Variants in DUSP5 observed in about 807,000 individuals in gnomAD.
DUSP5 encodes the protein dual specificity protein phosphatase 5.
DUSP5 carries 22 observed loss-of-function variants against 33.6 expected under a neutral mutation model. The ratio of observed to expected loss-of-function variants is 0.66; its 90% confidence interval spans 0.47 to 0.94. The LOEUF is 0.94. Among genes scored for constraint, DUSP5 ranks in the 40% least tolerant of loss-of-function variants. DUSP5 has a pLI of 0.00. For missense variants in DUSP5, 551 were observed against 522.1 expected (o/e 1.06, Z -0.54); for synonymous variants, 270 against 231.1 (o/e 1.17, Z -1.53).
intron 1 of DUSP5, among the ~76,000 whole-genome samples, chr10:110,500,424 C>T (rs575807651): frequency 1.3e-5 from 2 of 152,362 alleles, no homozygotes; most frequent in African/African-American, 4.8e-5. Context: ...GAAATTGCTT[C>T]ATGCCTACCC....
intron 2 of DUSP5, among the ~76,000 whole-genome samples, chr10:110,503,797 G>A (rs553463983): frequency 6.6e-6 from 1 of 152,186 alleles, no homozygotes; most frequent in Non-Finnish European, 1.5e-5. Flanking sequence ...TTTCCACATG[G>A]CCTCTAATCT....
intron 2 of DUSP5, among the ~76,000 whole-genome samples, chr10:110,503,272 C>T (rs1889568): frequency 0.65 from 98,601 of 152,086 alleles, 32,236 homozygotes; most frequent in South Asian, 0.74. Context: ...TTGTAATTGT[C>T]CATGCTCTGC....
chr10:110,507,017 A>G lies in DUSP5; in HGVS notation c.611A>G (p.His204Arg), dbSNP rs755386818. The change falls in exon 3 of 4, where the codon CAC (histidine) becomes CGC (arginine). Residue 204 changes from histidine to arginine, a missense_variant. Physicochemically the swap from His to Arg is conservative, Grantham distance 29 (BLOSUM62 0). Coordinates refer to ENST00000369583, the MANE Select transcript of DUSP5 (RefSeq NM_004419.4). ...ASKCEFLANL[H>R]ITALLNVSRR... ...AAGTGCGAGTTCCTCGCCAACCTGCACATCACAGCCCTGCTGAATGTCTCC... is the reference window on the plus strand; with the variant it reads ...AAGTGCGAGTTCCTCGCCAACCTGCGCATCACAGCCCTGCTGAATGTCTCC... The G allele has an allele frequency of 1.2e-6, 2 of 1,614,260 alleles. No individual in the cohort carries two copies. Among genetic ancestry groups the G allele is most frequent in the Non-Finnish European group, 1.7e-6 (2 of 1,180,052 alleles).
Position 110,498,264 on chromosome 10 carries a change from A to G in DUSP5, c.143A>G (p.Asn48Ser). The G allele has an allele frequency of 6.7e-7, 1 of 1,490,134 alleles. No homozygotes were observed. The highest frequency in any genetic ancestry group is 8.9e-7 in the Non-Finnish European group (1 of 1,117,504). 92.3% of individuals were successfully genotyped at this position (1,490,134 alleles called of 1,614,324 possible). ...NVRGSLNVNL[N>S]SVVLRRARGG... is the part of the protein sequence containing the mutation. ...CGCGGCTCGCTCAACGTCAACCTCA[A>G]CTCGGTGGTGCTGCGGCGGGCCCGG... The change falls in exon 1 of 4, where the codon AAC (asparagine) becomes AGC (serine). Residue 48 changes from asparagine (N) to serine (S), a missense_variant. Asn to Ser is a conservative substitution (Grantham distance 46). This residue lies in a region of DUSP5 where 381 missense variants were observed against 310.4 expected (regional missense o/e 1.23). Coordinates refer to ENST00000369583, the MANE Select transcript of DUSP5 (RefSeq NM_004419.4).
chr10:110,507,919 G>A (rs978938255), intron 3 of DUSP5, among the ~76,000 whole-genome samples: 1 of 152,112 alleles, frequency 6.6e-6, no homozygotes, highest in Non-Finnish European at 1.5e-5. Flanking sequence ...TTCTGTTTCA[G>A]ATTTGCAAGT....
At position 110,498,391 on chromosome 10, in the gene DUSP5, C is replaced by G. The variant is rs1186843100; in HGVS notation, c.270C>G (p.Asp90Glu). 6.7e-7 allele frequency: 1 copy of G among 1,491,680 alleles called. No individual in the cohort carries two copies. Among genetic ancestry groups the G allele is most frequent in the Non-Finnish European group, 8.9e-7 (1 of 1,126,404 alleles). The allele number at this position is 1,491,680 out of a possible 1,614,324, so 92.4% of individuals were successfully genotyped here. The change falls in exon 1 of 4, where the codon GAC (aspartate) becomes GAG (glutamate). Residue 90 changes from aspartate (D) to glutamate (E), a missense_variant. Physicochemically the swap from Asp to Glu is conservative, Grantham distance 45 (BLOSUM62 2). Around this residue, in one of 3 missense-constraint regions of DUSP5, gnomAD observed 381 missense variants for 310.4 expected, o/e 1.23. Transcript: ENST00000369583. Reference protein sequence around the residue: ...GGGVAAVVVLDQGSRHWQKLR... With the variant: ...GGGVAAVVVLEQGSRHWQKLR... The stretch of plus-strand genomic sequence containing the variant: ...GCGTCGCGGCCGTGGTGGTGCTGGA[C>G]CAGGGCAGCCGCCACTGGCAGAAGC...
intron 3 of DUSP5, among the ~76,000 whole-genome samples, chr10:110,508,086 G>A (rs564271203): frequency 6.6e-6 from 1 of 152,328 alleles, no homozygotes; most frequent in East Asian, 1.9e-4. Context: ...TAATTACTTA[G>A]TGCAGATAGC....
At chr10:110,501,963 A>T (rs1860055192) in intron 1 of DUSP5, among the ~76,000 whole-genome samples, 1 of 129,364 alleles carries the variant, frequency 7.7e-6, no homozygotes, top group Non-Finnish European at 1.6e-5. Flanking sequence ...TGACTTATTG[A>T]TTGGGGGGGG....
chr10:110,500,959 C>T (rs1051156660), intron 1 of DUSP5, among the ~76,000 whole-genome samples: 10 of 152,232 alleles, frequency 6.6e-5, no homozygotes, highest in African/African-American at 2.2e-4. Context: ...TGATAGCCAA[C>T]TCTGAAGTAA....
In DUSP5 at chr10:110,498,541, C is replaced by T. The variant is rs116149075; in HGVS notation, c.379+41C>T. On this transcript the variant is annotated intron_variant, in intron 1 of 3. Coordinates refer to ENST00000369583, the MANE Select transcript of DUSP5 (RefSeq NM_004419.4). ...CCCTGCCACGCTCGCCCCTCCGGCG[C>T]CCCCGGGTCCCCTCCCTGCGCCGGG... is the stretch of plus-strand genomic sequence containing the variant. The T allele has an allele frequency of 7.2e-6, 10 of 1,395,604 alleles. No homozygotes were observed. The Admixed American group carries it at 2.2e-4, about 31-fold the overall frequency. The allele number at this position is 1,395,604 out of a possible 1,614,324, so 86.5% of individuals were successfully genotyped here. A position where few individuals can be genotyped will look rare whatever the true frequency, so the allele number is the denominator to read the frequency against.
At chr10:110,504,189 G>A (rs1860091464) in intron 2 of DUSP5, among the ~76,000 whole-genome samples, 1 of 152,220 alleles carries the variant, frequency 6.6e-6, no homozygotes, top group African/African-American at 2.4e-5. Flanking sequence ...AATAAGAATT[G>A]GCAGAATGTT....
rs148467799 is a variant in DUSP5, at chr10:110,502,762, G to T, written c.421G>T (p.Val141Leu). ...TFYSEYPECC[V>L]DVKPISQEKI... ...CTACTCGGAATATCCTGAGTGTTGCGTGGATGTAAAACCCATTTCACAAGA... is the reference window on the plus strand; with the variant it reads ...CTACTCGGAATATCCTGAGTGTTGCTTGGATGTAAAACCCATTTCACAAGA... Residue 141 changes from valine to leucine, a missense_variant, in exon 2 of 4, where the codon GTG (valine) becomes TTG (leucine). Val to Leu is a conservative substitution (Grantham distance 32). Transcript: ENST00000369583. The T allele has an allele frequency of 4.6e-5, 75 of 1,614,162 alleles. No individual in the cohort carries two copies. The African/African-American group carries it at 9.5e-4, about 20-fold the overall frequency.
rs1423455479 is a variant in DUSP5, at chr10:110,498,323, G to C, written c.202G>C (p.Asp68His). The C allele has an allele frequency of 7.3e-7, 1 of 1,365,780 alleles. No homozygotes were observed. The highest frequency in any genetic ancestry group is 9.4e-7 in the Non-Finnish European group (1 of 1,062,606). The allele number at this position is 1,365,780 out of a possible 1,614,324, so 84.6% of individuals were successfully genotyped here. Residue 68 changes from aspartate to histidine, a missense_variant, in exon 1 of 4, where the codon GAC becomes CAC. By Grantham distance (81) the Asp-to-His change is moderately conservative. Coordinates refer to ENST00000369583, the MANE Select transcript of DUSP5 (RefSeq NM_004419.4). ...GGTGTCGGCGCGCTACGTGCTGCCC[G>C]ACGAGGCGGCGCGCGCGCGGCTCCT... ...GAVSARYVLPDEAARARLLQE... is the reference protein window; with the variant it reads ...GAVSARYVLPHEAARARLLQE...
rs768453959 is a variant in DUSP5, at chr10:110,498,355, G to GGGC, written c.245_247dup (p.Gly82dup). ...CGGCGCGCGCGCGGCTCCTGCAGGA[G>GGGC]GGCGGCGGCGGCGTCGCGGCCGTGG... On this transcript the variant is annotated inframe_insertion, in exon 1 of 4. Coordinates refer to ENST00000369583, the MANE Select transcript of DUSP5 (RefSeq NM_004419.4). 47 of 1,392,692 alleles carry GGGC rather than the reference G, an allele frequency of 3.4e-5. No individual in the cohort carries two copies. Among genetic ancestry groups the GGGC allele is most frequent in the Middle Eastern group, 1.9e-4 (1 of 5,354 alleles). 86.3% of individuals were successfully genotyped at this position (1,392,692 alleles called of 1,614,324 possible).
At position 110,502,742 on chromosome 10, in the gene DUSP5, C is replaced by T. The variant is rs556468724; in HGVS notation, c.401C>T (p.Ser134Leu). ...FLKGGYETFY[S>L]EYPECCVDVK... Reference sequence around the variant, plus strand: ...GTAGGGGGATATGAGACTTTCTACTCGGAATATCCTGAGTGTTGCGTGGAT... The same window carrying T: ...GTAGGGGGATATGAGACTTTCTACTTGGAATATCCTGAGTGTTGCGTGGAT... The change falls in exon 2 of 4, where the codon TCG (serine) becomes TTG (leucine). Residue 134 changes from serine to leucine, a missense_variant. Physicochemically the swap from Ser to Leu is moderately radical, Grantham distance 145. This residue lies in a region of DUSP5 where 381 missense variants were observed against 310.4 expected (regional missense o/e 1.23). Transcript: ENST00000369583. The T allele has an allele frequency of 5.9e-5, 95 of 1,613,802 alleles. No individual in the cohort carries two copies. In the East Asian group the frequency reaches 9.1e-4, roughly 16 times the overall value.
chr10:110,500,933 C>G (rs1425868242), intron 1 of DUSP5, among the ~76,000 whole-genome samples: 1 of 152,198 alleles, frequency 6.6e-6, no homozygotes, highest in Non-Finnish European at 1.5e-5. Flanking sequence ...ACACCCGAAC[C>G]TCTTATCTGT....
intron 3 of DUSP5, among the ~76,000 whole-genome samples, chr10:110,507,613 T>C (rs1203853656): frequency 2.0e-5 from 3 of 152,238 alleles, no homozygotes; most frequent in Non-Finnish European, 4.4e-5. Flanking sequence ...GGTGAACGGC[T>C]TGGGGCAATT....
Position 110,510,099 on chromosome 10 carries a change from T to C in DUSP5, c.828T>C (p.Ala276=), listed in dbSNP as rs770826313. The C allele has an allele frequency of 6.2e-7, 1 of 1,614,176 alleles. No homozygotes were observed. The highest frequency in any genetic ancestry group is 2.2e-5 in the East Asian group (1 of 44,878). Residue 276 remains alanine, a synonymous_variant, in exon 4 of 4, where the codon GCT becomes GCC. Coordinates refer to ENST00000369583, the MANE Select transcript of DUSP5 (RefSeq NM_004419.4). ...GISRSPTICM[A]YLMKTKQFRL... ...CCCGTTCACCCACCATCTGCATGGC[T>C]TACCTTATGAAGACCAAGCAGTTCC...
intron 1 of DUSP5, among the ~76,000 whole-genome samples, chr10:110,501,968 G>A (rs951272413): frequency 1.3e-5 from 2 of 151,662 alleles, no homozygotes; most frequent in South Asian, 2.1e-4. Context: ...TATTGATTGG[G>A]GGGGGGGTGC....
Sources: allele counts gnomAD v4.1 joint callset (sites outside exome capture counted in the v4.1 genomes callset), GRCh38; gene constraint gnomAD v4.1.1; regional missense constraint gnomAD v4.1.1; transcripts MANE v1.5; gene names NCBI Gene and HGNC (gene_info 2026-07-23, HGNC 2026-07-21).